The following SYNE1 variants were observed in gnomAD, a reference collection of about 807,000 sequenced individuals.
SYNE1 encodes spectrin repeat containing nuclear envelope protein 1.
In SYNE1, 616 loss-of-function variants were observed where a neutral mutation model predicts 1,111.0. The ratio of observed to expected loss-of-function variants is 0.55; its 90% CI spans 0.52 to 0.59. The LOEUF is 0.59. SYNE1 is among the 20% of genes least tolerant of loss of function. SYNE1 has a pLI of 0.00. For missense variants in SYNE1, 10,006 were observed against 10,417.0 expected, an observed-to-expected ratio of 0.96 and a Z score of 1.72; for synonymous variants, 3,855 against 3,825.8, an observed-to-expected ratio of 1.01 and a Z score of -0.28.
intron 102 of SYNE1, among the ~76,000 whole-genome samples, chr6:152,256,034 GGCTGCAGTGA>G: frequency 6.6e-6 from 1 of 152,184 alleles, no homozygotes; most frequent in South Asian, 2.1e-4. Context: ...AGGAGGTGGA[GGCTGCAGTGA>G]GCTGAGATCG....
chr6:152,409,651 C>G lies in SYNE1; in HGVS notation c.6289G>C (p.Ala2097Pro), dbSNP rs375773340. 189 of 1,613,730 alleles carry G rather than the reference C, an allele frequency of 1.2e-4. No individual in the cohort carries two copies. The highest frequency in any genetic ancestry group is 1.5e-4 in the Non-Finnish European group (180 of 1,179,950). The change falls in exon 43 of 146, where the codon GCT becomes CCT. Residue 2097 changes from alanine to proline, a missense_variant. Ala to Pro is a conservative substitution (Grantham distance 27, BLOSUM62 -1). This residue lies in a region of SYNE1 where 4,955 missense variants were observed against 5,017.2 expected (regional missense o/e 0.99). Coordinates refer to ENST00000367255, the MANE Select transcript of SYNE1 (RefSeq NM_182961.4). ...LMREYQNLKS[A>P]VSKVLENASS... ...GCATTTTCTAAGACTTTAGATACAGCTGATTTCAGGTTCTGATATTCTCTC... is the reference window on the plus strand; with the variant it reads ...GCATTTTCTAAGACTTTAGATACAGGTGATTTCAGGTTCTGATATTCTCTC...
At chr6:152,376,723 T>C in intron 57 of SYNE1, 53 bp downstream of exon 57, 1 of 1,608,932 alleles carries the variant, frequency 6.2e-7, no homozygotes, top group Non-Finnish European at 8.5e-7. Context: ...AATAAACTTC[T>C]AGCTTCTAAT....
At chr6:152,310,040 C>A in intron 89 of SYNE1, 23 bp from the exon 90 acceptor site, 1 of 1,605,298 alleles carries the variant, frequency 6.2e-7, no homozygotes, top group South Asian at 1.1e-5. Flanking sequence ...TTTCATAGTT[C>A]AAAAATTTAA....
intron 63 of SYNE1, chr6:152,363,692 C>T (rs896681350): frequency 6.6e-6 from 3 of 454,086 alleles, no homozygotes; most frequent in Admixed American, 4.7e-5. Context: ...CTAATTGCTC[C>T]TAGATCTCTT....
chr6:152,377,234 T>G (rs963745203), intron 56 of SYNE1, among the ~76,000 whole-genome samples: 4 of 152,168 alleles, frequency 2.6e-5, no homozygotes, highest in Admixed American at 6.5e-5. Flanking sequence ...ATAGTTGGAC[T>G]AGGCCATCAG....
At chr6:152,413,263 C>A (rs1563827012) in intron 42 of SYNE1, 89 bp downstream of exon 42, 41 of 1,328,046 alleles carry the variant, frequency 3.1e-5, no homozygotes, top group Non-Finnish European at 3.8e-5. Flanking sequence ...TATTTAACTA[C>A]TGATCACATC....
rs75297294 is a variant in SYNE1, at chr6:152,286,589, G to A, written c.18013-2417C>T. On this transcript the variant is annotated intron_variant, in intron 95 of 145. Coordinates refer to ENST00000367255, the MANE Select transcript of SYNE1 (RefSeq NM_182961.4). ...AATTTCCATTTCCCCGATGACTAAT[G>A]AGATTGAGTGTCTTTTGTGACTGCC... Among the ~76,000 whole-genome samples the A allele has an allele frequency of 1.4e-3, 215 of 152,306 alleles. 1 individual carries two copies. The highest frequency in any genetic ancestry group is 5.0e-3 in the African/African-American group (209 of 41,554).
At chr6:152,219,258 G>A (rs1029167398) in intron 119 of SYNE1, 73 bp from the exon 120 acceptor site, 5 of 1,390,534 alleles carry the variant, frequency 3.6e-6, no homozygotes, top group Non-Finnish European at 5.1e-6. Flanking sequence ...TCGGCAAAGG[G>A]CTACACATGT....
At chr6:152,280,739 T>C (rs973195382) in intron 97 of SYNE1, among the ~76,000 whole-genome samples, 3 of 152,298 alleles carry the variant, frequency 2.0e-5, no homozygotes, top group South Asian at 2.1e-4. Flanking sequence ...AATGGGCTAA[T>C]AGATGTTTCT....
chr6:152,227,803 TG>T (rs2081938116), intron 115 of SYNE1, among the ~76,000 whole-genome samples: 1 of 152,148 alleles, frequency 6.6e-6, no homozygotes, highest in Non-Finnish European at 1.5e-5. Flanking sequence ...ACACGTATGT[TG>T]GTAGAAGAGC....
chr6:152,199,932 C>T lies in SYNE1; in HGVS notation c.23145+1892G>A, dbSNP rs113836821. Among the ~76,000 whole-genome samples, 172 of 152,288 alleles carry T rather than the reference C, an allele frequency of 1.1e-3. 1 individual carries two copies. In the South Asian group the frequency reaches 0.015, roughly 13 times the overall value. On this transcript the variant is annotated intron_variant, in intron 127 of 145. Coordinates refer to ENST00000367255, the MANE Select transcript of SYNE1 (RefSeq NM_182961.4). ...ATGTTTTTTGGGAGATAAAAAATGA[C>T]GCCCCATGGCAACAGTATTTGGCTG... is the stretch of plus-strand genomic sequence containing the variant.
intron 122 of SYNE1, 65 bp downstream of exon 122, chr6:152,214,841 T>C (rs1195011726): frequency 6.3e-7 from 1 of 1,590,710 alleles, no homozygotes; most frequent in African/African-American, 1.3e-5. Flanking sequence ...TGTAGTATTT[T>C]GACATAGCGG....
intron 104 of SYNE1, among the ~76,000 whole-genome samples, chr6:152,250,009 G>C (rs1191460858): frequency 6.6e-6 from 1 of 152,050 alleles, no homozygotes; most frequent in Non-Finnish European, 1.5e-5. Context: ...GTTCATCTCT[G>C]TAATACCAGA....
intron 73 of SYNE1, 60 bp downstream of exon 73, chr6:152,346,999 A>G: frequency 6.3e-7 from 1 of 1,596,200 alleles, no homozygotes. Context: ...AAAAGTCTCT[A>G]GACTGCACAG....
At chr6:152,266,321 A>G (rs895438235) in intron 100 of SYNE1, among the ~76,000 whole-genome samples, 1 of 152,182 alleles carries the variant, frequency 6.6e-6, no homozygotes, top group Non-Finnish European at 1.5e-5. Context: ...TAGTGATGAT[A>G]CATACAGAGA....
chr6:152,159,007 A>G (rs1371553182), intron 131 of SYNE1, among the ~76,000 whole-genome samples: 1 of 152,168 alleles, frequency 6.6e-6, no homozygotes, highest in African/African-American at 2.4e-5. Flanking sequence ...ACTGGAGTGC[A>G]GTGGCACAAT....
chr6:152,257,362 G>A (rs9397090), intron 101 of SYNE1, among the ~76,000 whole-genome samples: 21,248 of 152,034 alleles, frequency 0.14, 2,065 homozygotes, highest in East Asian at 0.45. Flanking sequence ...GTGAAACCCC[G>A]TCTCTACTAA....
Position 152,637,206 on chromosome 6 carries a change from C to T in SYNE1, c.-409G>A, listed in dbSNP as rs2099707182. 1 of 152,322 alleles carries T rather than the reference C, an allele frequency of 6.6e-6. No homozygotes were observed. Among genetic ancestry groups the T allele is most frequent in the African/African-American group, 2.4e-5 (1 of 41,474 alleles). 9.4% of individuals were successfully genotyped at this position (152,322 alleles called of 1,614,324 possible). On this transcript the variant is annotated 5_prime_UTR_variant, in exon 1 of 146. Transcript: ENST00000367255. ...TTCCCTACCTCCTGGAGATGCACGG[C>T]CTTGGGCGTTTCTCCGCAGCTGCAA...
chr6:152,381,998 A>G (rs1319129506), intron 55 of SYNE1, among the ~76,000 whole-genome samples: 1 of 152,214 alleles, frequency 6.6e-6, no homozygotes, highest in African/African-American at 2.4e-5. Flanking sequence ...GTATTTTTTT[A>G]CCTTAAAAAA....
Sources: gnomAD v4.1 joint callset for allele counts (sites outside exome capture counted in the v4.1 genomes callset) on GRCh38, gnomAD v4.1.1 for gene constraint, gnomAD v4.1.1 regional missense constraint, MANE v1.5 for transcripts, NCBI Gene and HGNC (gene_info 2026-07-23, HGNC 2026-07-21) for gene names.